PLCB1: variants seen among roughly 807,000 people sequenced by gnomAD.
PLCB1 encodes 1-phosphatidylinositol 4,5-bisphosphate phosphodiesterase beta-1.
PLCB1 carries 46 observed loss-of-function variants against 161.8 expected under a neutral mutation model. That is an observed-to-expected ratio of 0.28 (90% CI 0.22 to 0.36). The LOEUF (loss-of-function observed/expected upper bound fraction) is 0.36, where lower values mean the gene tolerates loss of function less well. PLCB1 is among the 10% of genes least tolerant of loss of function. PLCB1 has a pLI of 1.00. For synonymous variants in PLCB1, 517 were observed against 503.7 expected, an observed-to-expected ratio of 1.03 and a Z score of -0.35; for missense variants, 1,016 against 1,472.5, an observed-to-expected ratio of 0.69 and a Z score of 5.07.
intron 2 of PLCB1, among the ~76,000 whole-genome samples, chr20:8,240,570 C>A (rs982483681): frequency 6.6e-6 from 1 of 151,894 alleles, no homozygotes; most frequent in African/African-American, 2.4e-5. Context: ...ATGCACACAC[C>A]TCCTTGTGCA....
intron 3 of PLCB1, among the ~76,000 whole-genome samples, chr20:8,546,310 T>C (rs1985543038): frequency 1.1e-5 from 1 of 93,502 alleles, no homozygotes; most frequent in African/African-American, 4.8e-5. Context: ...CAAGACTCTA[T>C]CTCAAAAAAA....
chr20:8,582,983 C>T (rs1180966632), intron 3 of PLCB1, among the ~76,000 whole-genome samples: 24 of 105,592 alleles, frequency 2.3e-4, no homozygotes, highest in Admixed American at 1.3e-3. Flanking sequence ...AGTGAGACTC[C>T]ATCTCAAAAA....
chr20:8,514,498 C>T (rs951092383), intron 3 of PLCB1, among the ~76,000 whole-genome samples: 2 of 144,012 alleles, frequency 1.4e-5, no homozygotes, highest in Non-Finnish European at 3.1e-5. Context: ...CATGGCAAAA[C>T]TCCATCTCTA....
chr20:8,773,816 A>G (rs547078057), intron 26 of PLCB1, among the ~76,000 whole-genome samples: 1 of 152,286 alleles, frequency 6.6e-6, no homozygotes, highest in South Asian at 2.1e-4. Flanking sequence ...TCTAATAAAA[A>G]TACAAAAATT....
rs1174725033 is a variant in PLCB1 at position 8,476,193 on chromosome 20, C to T, written c.246+104743C>T. Among the ~76,000 whole-genome samples the T allele has an allele frequency of 3.3e-5, 5 of 152,120 alleles. No individual in the cohort carries two copies. In the East Asian group the frequency reaches 7.7e-4, roughly 23 times the overall value. On this transcript the variant is annotated intron_variant, in intron 3 of 31. Transcript: ENST00000338037. ...AGCAGCTTACAGGAGTTCACAAAGA[C>T]ACAAAATGATGGTAGGAAGGAATAA...
rs368749506 is a variant in PLCB1 at position 8,807,111 on chromosome 20, T to G, written c.3423+16850T>G. ...CAGCAGAGGGTTGCGTATGTCTGAGTGACCTTTTTATGATCTCTTTTGAGT... is the reference window on the plus strand; with the variant it reads ...CAGCAGAGGGTTGCGTATGTCTGAGGGACCTTTTTATGATCTCTTTTGAGT... On this transcript the variant is annotated intron_variant, in intron 31 of 31. Transcript: ENST00000338037. Among the ~76,000 whole-genome samples the G allele has an allele frequency of 3.0e-4, 45 of 152,304 alleles. No homozygotes were observed. In the East Asian group the frequency reaches 6.0e-3, roughly 20 times the overall value.
intron 3 of PLCB1, among the ~76,000 whole-genome samples, chr20:8,604,634 G>C (rs976169215): frequency 3.3e-5 from 5 of 152,148 alleles, no homozygotes; most frequent in Non-Finnish European, 5.9e-5. Context: ...TTGGTTGTCT[G>C]TCATTGCTAG....
At chr20:8,743,843 A>G (rs1294673358) in intron 23 of PLCB1, among the ~76,000 whole-genome samples, 1 of 152,186 alleles carries the variant, frequency 6.6e-6, no homozygotes, top group Admixed American at 6.5e-5. Flanking sequence ...AAGATTAAGA[A>G]AGACTGTTCT....
chr20:8,702,086 G>C (rs914911232), intron 11 of PLCB1, among the ~76,000 whole-genome samples: 1 of 152,200 alleles, frequency 6.6e-6, no homozygotes, highest in African/African-American at 2.4e-5. Context: ...AAAAGCAAGA[G>C]ATCCTATTGG....
chr20:8,717,618 GA>G, intron 13 of PLCB1, 52 bp from the exon 14 acceptor site: 2 of 1,416,182 alleles, frequency 1.4e-6, no homozygotes, highest in Non-Finnish European at 1.9e-6. Flanking sequence ...CTGGGGAGGG[GA>G]TCTGAAAGAG....
intron 13 of PLCB1, among the ~76,000 whole-genome samples, chr20:8,716,859 G>C (rs891479000): frequency 6.6e-6 from 1 of 152,188 alleles, no homozygotes; most frequent in Non-Finnish European, 1.5e-5. Context: ...ATATCCTAAA[G>C]TAGCATTTTC....
intron 3 of PLCB1, among the ~76,000 whole-genome samples, chr20:8,427,342 G>A (rs1979828611): frequency 6.6e-6 from 1 of 152,150 alleles, no homozygotes; most frequent in South Asian, 2.1e-4. Context: ...AAGGAAACCT[G>A]GCTTCTAAGG....
At chr20:8,425,790 T>C (rs1479144736) in intron 3 of PLCB1, among the ~76,000 whole-genome samples, 1 of 152,170 alleles carries the variant, frequency 6.6e-6, no homozygotes, top group Non-Finnish European at 1.5e-5. Context: ...AGCAGCAATG[T>C]CCACGCTCAT....
intron 2 of PLCB1, among the ~76,000 whole-genome samples, chr20:8,151,670 T>A (rs1375950027): frequency 6.6e-6 from 1 of 152,154 alleles, no homozygotes; most frequent in East Asian, 1.9e-4. Flanking sequence ...GAGGTTTTGT[T>A]TTTTGGGTGT....
intron 9 of PLCB1, 49 bp from the exon 10 acceptor site, chr20:8,684,883 C>A: frequency 1.4e-6 from 2 of 1,432,418 alleles, no homozygotes; most frequent in Non-Finnish European, 1.9e-6. Context: ...GGCGACTTGA[C>A]ACCCATAAAA....
chr20:8,150,599 TTC>T (rs2051499890), intron 2 of PLCB1, among the ~76,000 whole-genome samples: 1 of 152,178 alleles, frequency 6.6e-6, no homozygotes, highest in Non-Finnish European at 1.5e-5. Flanking sequence ...GTATTTTTGG[TTC>T]TGTTTATATT....
intron 3 of PLCB1, among the ~76,000 whole-genome samples, chr20:8,546,313 CAAAAAAAAA>C (rs369485988): frequency 2.9e-5 from 3 of 102,938 alleles, no homozygotes; most frequent in East Asian, 6.9e-4. Context: ...GACTCTATCT[CAAAAAAAAA>C]AAAAAAAAAA....
chr20:8,207,988 G>A (rs1568590501), intron 2 of PLCB1, among the ~76,000 whole-genome samples: 1 of 152,144 alleles, frequency 6.6e-6, no homozygotes, highest in Non-Finnish European at 1.5e-5. Flanking sequence ...TTCATATGGG[G>A]TATCTGCATG....
intron 2 of PLCB1, among the ~76,000 whole-genome samples, chr20:8,200,681 T>C (rs2052083306): frequency 6.6e-6 from 1 of 152,024 alleles, no homozygotes; most frequent in African/African-American, 2.4e-5. Context: ...AGAAAATTCA[T>C]AATCTATACA....
Sources: allele counts gnomAD v4.1 joint callset (sites outside exome capture counted in the v4.1 genomes callset), GRCh38; gene constraint gnomAD v4.1.1; transcripts MANE v1.5; gene names NCBI Gene and HGNC (gene_info 2026-07-23, HGNC 2026-07-21).